The following BRF1 variants were observed in gnomAD, a reference collection of about 807,000 sequenced individuals.
BRF1 encodes the protein transcription factor IIIB 90 kDa subunit.
Under a neutral mutation model 81.7 loss-of-function variants are expected in BRF1, and 59 were observed. The ratio of observed to expected loss-of-function variants is 0.72; its 90% CI spans 0.59 to 0.90. The LOEUF (loss-of-function observed/expected upper bound fraction) is 0.90, where lower values mean the gene tolerates loss of function less well. BRF1 is among the 40% of genes least tolerant of loss of function. BRF1 has a pLI of 0.00. For missense variants in BRF1, 1,050 were observed against 936.3 expected (o/e 1.12, Z -1.58); for synonymous variants, 491 against 395.6 (o/e 1.24, Z -2.86).
intron 5 of BRF1, 74 bp downstream of exon 5, chr14:105,252,433 G>A: frequency 6.4e-7 from 1 of 1,566,524 alleles, no homozygotes; most frequent in Admixed American, 1.9e-5. Context: ...TCCCTCCACT[G>A]TTCAAAGGAC....
intron 5 of BRF1, chr14:105,248,347 A>G (rs1008177646): frequency 1.0e-6 from 1 of 985,346 alleles, no homozygotes; most frequent in Non-Finnish European, 1.2e-6. Flanking sequence ...GGGCGCAAGC[A>G]CCTGCGCATG....
At chr14:105,248,678 G>A (rs1480108792) in intron 5 of BRF1, 65 of 981,754 alleles carry the variant, frequency 6.6e-5, no homozygotes, top group Admixed American at 1.3e-4. Context: ...GGGAGCGGGT[G>A]GCAGCCCCGC....
At chr14:105,278,950 A>C (rs2056958631) in intron 2 of BRF1, among the ~76,000 whole-genome samples, 1 of 152,130 alleles carries the variant, frequency 6.6e-6, no homozygotes, top group Admixed American at 6.5e-5. Context: ...AGGCTAAGGC[A>C]GGAGAATCGC....
rs1045787281 is a variant in BRF1 at position 105,271,421 on chromosome 14, G to A, written c.439+1300C>T. 1.3e-5 allele frequency among the ~76,000 whole-genome samples: 2 copies of A among 152,250 alleles called. No homozygotes were observed. The highest frequency in any genetic ancestry group is 2.9e-5 in the Non-Finnish European group (2 of 68,046). On this transcript the variant is annotated intron_variant, in intron 3 of 17. Coordinates refer to ENST00000547530, the MANE Select transcript of BRF1 (RefSeq NM_001519.4). This position sits in a 1 kb window ranked among gnomAD's most constrained non-coding sequence, Gnocchi z 5.5. The stretch of plus-strand genomic sequence containing the variant: ...GTGAGAATGCTGGAGGCAAGGCGAC[G>A]GCAGGGGCGCAGGCTGGGAGGCAGA...
chr14:105,296,697 A>AG (rs1426645376), intron 1 of BRF1, among the ~76,000 whole-genome samples: 1 of 151,906 alleles, frequency 6.6e-6, no homozygotes, highest in Non-Finnish European at 1.5e-5. Context: ...AAAAGAAAAA[A>AG]AAAAAAAAAC....
At chr14:105,246,121 A>G (rs1397357034) in intron 5 of BRF1, among the ~76,000 whole-genome samples, 1 of 152,168 alleles carries the variant, frequency 6.6e-6, no homozygotes, top group Non-Finnish European at 1.5e-5. Context: ...GCTCTTTGGG[A>G]GGCTGAGGCA....
Position 105,309,808 on chromosome 14 carries a change from C to A in BRF1, c.-162+5514G>T, listed in dbSNP as rs929591255. 9.3e-6 allele frequency among the ~76,000 whole-genome samples: 1 copy of A among 107,988 alleles called. No individual in the cohort carries two copies. The highest frequency in any genetic ancestry group is 3.9e-5 in the African/African-American group (1 of 25,820). 70.8% of individuals were successfully genotyped at this position (107,988 alleles called of 152,430 possible). On this transcript the variant is annotated intron_variant, in intron 1 of 17. Transcript: ENST00000327359. This position sits in a 1 kb window ranked among gnomAD's most constrained non-coding sequence, Gnocchi z 4.0. ...TTTTTTTTTTTTTTTTTTTTTTAGA[C>A]GGAGTCTCACTCTCTTGCCCAGGCA...
intron 3 of BRF1, among the ~76,000 whole-genome samples, chr14:105,262,193 ACTCAC>A (rs923705486): frequency 3.0e-4 from 46 of 152,040 alleles, no homozygotes; most frequent in Middle Eastern, 6.8e-3. Context: ...GAATGGGGTC[ACTCAC>A]CCCAGAGCTC....
At chr14:105,249,702 C>A (rs1386097257) in intron 5 of BRF1, 1 of 1,613,774 alleles carries the variant, frequency 6.2e-7, no homozygotes, top group African/African-American at 1.3e-5. Flanking sequence ...CTGTACGCTG[C>A]TAAGAAGTAC....
At chr14:105,250,508 G>T in intron 5 of BRF1, 3 of 1,614,032 alleles carry the variant, frequency 1.9e-6, no homozygotes, top group Non-Finnish European at 2.5e-6. Flanking sequence ...CTTCTACACG[G>T]CCAGTGCCGT....
intron 3 of BRF1, among the ~76,000 whole-genome samples, chr14:105,270,423 C>G: frequency 6.6e-6 from 1 of 151,966 alleles, no homozygotes; most frequent in Non-Finnish European, 1.5e-5. Context: ...GATCCGCCCA[C>G]CTAGGCCTCC....
chr14:105,215,864 ATG>A lies in BRF1; in HGVS notation c.1772+1678_1772+1679del, dbSNP rs1349062699. On this transcript the variant is annotated intron_variant, in intron 15 of 17. Coordinates refer to ENST00000547530, the MANE Select transcript of BRF1 (RefSeq NM_001519.4). The stretch of plus-strand genomic sequence containing the variant: ...TACACAGACACAGGCACACACACAC[ATG>A]CACACACACGCTGCAGGCATACAGA... Among the ~76,000 whole-genome samples, 200 of 145,212 alleles carry A rather than the reference ATG, an allele frequency of 1.4e-3. 1 individual carries two copies. Among genetic ancestry groups the A allele is most frequent in the Non-Finnish European group, 2.3e-3 (152 of 66,520 alleles).
chr14:105,223,745 G>C (rs1892663757), intron 10 of BRF1, among the ~76,000 whole-genome samples: 1 of 152,132 alleles, frequency 6.6e-6, no homozygotes, highest in African/African-American at 2.4e-5. Flanking sequence ...AGACATCAAA[G>C]TTCAGAAATC....
intron 6 of BRF1, among the ~76,000 whole-genome samples, chr14:105,229,300 G>T (rs751779487): frequency 8.5e-5 from 13 of 152,230 alleles, no homozygotes; most frequent in Non-Finnish European, 1.0e-4. Context: ...ACAGCTGGCA[G>T]CTGACACAGG....
intron 4 of BRF1, among the ~76,000 whole-genome samples, chr14:105,254,986 GCCC>G (rs34516828): frequency 6.6e-6 from 1 of 152,014 alleles, no homozygotes; most frequent in African/African-American, 2.4e-5. Context: ...ACAGCCAGCT[GCCC>G]CCCCCATCTC....
intron 1 of BRF1, chr14:105,314,859 C>T (rs2058496239): frequency 6.2e-6 from 5 of 805,310 alleles, no homozygotes; most frequent in Non-Finnish European, 7.5e-6. Context: ...GGCCCGCCCG[C>T]CGCGCGTCCG....
chr14:105,214,754 G>A (rs1217646214), intron 15 of BRF1, among the ~76,000 whole-genome samples: 1 of 152,224 alleles, frequency 6.6e-6, no homozygotes, highest in Non-Finnish European at 1.5e-5. Context: ...CTGCTGCTGA[G>A]GAACGCTGTG....
chr14:105,248,756 C>G (rs1450224340), intron 5 of BRF1: 1 of 981,746 alleles, frequency 1.0e-6, no homozygotes, highest in African/African-American at 1.8e-5. Context: ...TCGCTCAGTG[C>G]CTGACCTCCT....
chr14:105,265,065 G>GTT (rs1491195384), intron 3 of BRF1, among the ~76,000 whole-genome samples: 1 of 126,318 alleles, frequency 7.9e-6, no homozygotes, highest in African/African-American at 3.2e-5. Context: ...TTTTTTTTTT[G>GTT]TTTGTTTGTT....
Sources: allele counts gnomAD v4.1 joint callset (sites outside exome capture counted in the v4.1 genomes callset), GRCh38; gene constraint gnomAD v4.1.1; non-coding constraint Gnocchi (gnomAD v3.1); transcripts MANE v1.5; gene names NCBI Gene and HGNC (gene_info 2026-07-23, HGNC 2026-07-21).